Variants in GALNT1 observed in about 807,000 individuals in gnomAD.
GALNT1 encodes polypeptide N-acetylgalactosaminyltransferase 1.
In GALNT1, 17 loss-of-function variants were observed where a neutral mutation model predicts 65.7. The ratio of observed to expected loss-of-function variants is 0.26; its 90% confidence interval spans 0.18 to 0.39. GALNT1 has a LOEUF of 0.39. GALNT1 is among the 10% of genes least tolerant of loss of function. The pLI, the probability that GALNT1 is intolerant of heterozygous loss-of-function variation, is 1.00. For missense variants in GALNT1, 460 were observed against 672.8 expected, an observed-to-expected ratio of 0.68 and a Z score of 3.50; for synonymous variants, 210 against 219.7, an observed-to-expected ratio of 0.96 and a Z score of 0.39.
In GALNT1 at chr18:35,644,450, G is replaced by T. The variant is rs113838605; in HGVS notation, c.-103-10110G>T. ...AATTGAAGCCTACGAGACTGGAGCC[G>T]TACTCACTTTGGCTACTAGGGGTAA... On this transcript the variant is annotated intron_variant, in intron 1 of 11. Transcript: ENST00000269195. Among the ~76,000 whole-genome samples the T allele has an allele frequency of 6.4e-3, 968 of 152,270 alleles. 19 individuals are homozygous for T. Among genetic ancestry groups the T allele is most frequent in the African/African-American group, 0.022 (918 of 41,558 alleles).
intron 1 of GALNT1, among the ~76,000 whole-genome samples, chr18:35,605,274 C>A (rs1211045456): frequency 1.3e-5 from 2 of 151,874 alleles, no homozygotes; most frequent in African/African-American, 4.8e-5. Flanking sequence ...CTTGGGAGGC[C>A]GAGACAGGTG....
chr18:35,612,240 G>GA (rs1256855550), intron 1 of GALNT1, among the ~76,000 whole-genome samples: 1 of 152,040 alleles, frequency 6.6e-6, no homozygotes, highest in African/African-American at 2.4e-5. Flanking sequence ...TATGAAAAGA[G>GA]AAAAAACCTG....
chr18:35,677,498 T>C (rs2047727396), intron 3 of GALNT1, 93 bp from the exon 4 acceptor site: 16 of 973,128 alleles, frequency 1.6e-5, no homozygotes, highest in Non-Finnish European at 2.4e-5. Flanking sequence ...TAGAGCAAAC[T>C]GCTTTTATTG....
Position 35,597,368 on chromosome 18 carries a change from A to G in GALNT1, c.-104+15506A>G, listed in dbSNP as rs1412760292. On this transcript the variant is annotated intron_variant, in intron 1 of 11. Coordinates refer to ENST00000269195, the MANE Select transcript of GALNT1 (RefSeq NM_020474.4). The stretch of plus-strand genomic sequence containing the variant: ...AGGGCAGGTAATTCTCCAACAGGAA[A>G]TTAGGACGTGGGGAGAGATGGATGC... The G allele has an allele frequency of 3.9e-5, 6 of 152,208 alleles. 1 individual carries two copies. The highest frequency in any genetic ancestry group is 2.6e-4 in the Admixed American group (4 of 15,278). The allele number at this position is 152,208 out of a possible 1,614,324, so 9.4% of individuals were successfully genotyped here. A position where few individuals can be genotyped will look rare whatever the true frequency, so the allele number is the denominator to read the frequency against.
chr18:35,646,140 A>C lies in GALNT1; in HGVS notation c.-103-8420A>C, dbSNP rs180990654. Among the ~76,000 whole-genome samples, 1,032 of 152,266 alleles carry C rather than the reference A, an allele frequency of 6.8e-3. 15 individuals carry two copies. Among genetic ancestry groups the C allele is most frequent in the Non-Finnish European group, 9.9e-3 (674 of 68,024 alleles). ...CATGGCAGAAGGTGAAGGGGAAGCAAGCATGTCTTACCATGGAGGAGCAGG... is the reference window on the plus strand; with the variant it reads ...CATGGCAGAAGGTGAAGGGGAAGCACGCATGTCTTACCATGGAGGAGCAGG... On this transcript the variant is annotated intron_variant, in intron 1 of 11. Coordinates refer to ENST00000269195, the MANE Select transcript of GALNT1 (RefSeq NM_020474.4).
At chr18:35,608,053 G>T (rs1431433501) in intron 1 of GALNT1, among the ~76,000 whole-genome samples, 1 of 151,828 alleles carries the variant, frequency 6.6e-6, no homozygotes, top group Admixed American at 6.6e-5. Context: ...AATCTATACA[G>T]CAGTTTTTAT....
chr18:35,694,407 C>CA (rs1300641243), intron 9 of GALNT1, among the ~76,000 whole-genome samples: 14 of 151,862 alleles, frequency 9.2e-5, no homozygotes, highest in African/African-American at 3.1e-4. Context: ...TGGCCACTAT[C>CA]AAAAAAACAG....
chr18:35,620,680 C>T (rs956860239), intron 1 of GALNT1, among the ~76,000 whole-genome samples: 14 of 152,050 alleles, frequency 9.2e-5, no homozygotes, highest in Non-Finnish European at 1.8e-4. Flanking sequence ...TTGTCTCATT[C>T]ATCATTGTTT....
intron 1 of GALNT1, among the ~76,000 whole-genome samples, chr18:35,624,520 T>G (rs1264672830): frequency 6.6e-6 from 1 of 152,234 alleles, no homozygotes; most frequent in African/African-American, 2.4e-5. Context: ...TTTGACAATT[T>G]AGATATATTT....
chr18:35,630,434 A>T lies in GALNT1; in HGVS notation c.-103-24126A>T, dbSNP rs542841053. ...CCACCAAACTACATGGAAACTGAACAATCTGCTTCTGAATGACTACTGGGT... is the reference window on the plus strand; with the variant it reads ...CCACCAAACTACATGGAAACTGAACTATCTGCTTCTGAATGACTACTGGGT... On this transcript the variant is annotated intron_variant, in intron 1 of 11. Transcript: ENST00000269195. Among the ~76,000 whole-genome samples the T allele has an allele frequency of 2.0e-5, 3 of 152,330 alleles. No homozygotes were observed. The South Asian group carries it at 6.2e-4, about 32-fold the overall frequency.
At chr18:35,601,984 G>A (rs1038268620) in intron 1 of GALNT1, among the ~76,000 whole-genome samples, 21 of 152,184 alleles carry the variant, frequency 1.4e-4, no homozygotes, top group African/African-American at 4.8e-4. Flanking sequence ...ACCTTCAAAT[G>A]TTTTGTTTTT....
At chr18:35,592,092 A>G (rs2046451549) in intron 1 of GALNT1, among the ~76,000 whole-genome samples, 1 of 152,182 alleles carries the variant, frequency 6.6e-6, no homozygotes, top group Non-Finnish European at 1.5e-5. Context: ...GAGCATCATC[A>G]GCATTGAAAT....
In GALNT1 at chr18:35,651,826, A is replaced by G. The variant is rs182106137; in HGVS notation, c.-103-2734A>G. Among the ~76,000 whole-genome samples, 124 of 152,356 alleles carry G rather than the reference A, an allele frequency of 8.1e-4. 1 individual carries two copies. The highest frequency in any genetic ancestry group is 6.9e-3 in the Admixed American group (105 of 15,298). ...TGAAGTAATAATTATTTAATTACAT[A>G]TGAAAACTAGAATCTTACCTGCAAT... On this transcript the variant is annotated intron_variant, in intron 1 of 11. Coordinates refer to ENST00000269195, the MANE Select transcript of GALNT1 (RefSeq NM_020474.4).
At chr18:35,687,329 A>G (rs1409854551) in intron 6 of GALNT1, 143 bp downstream of exon 6, 4 of 698,000 alleles carry the variant, frequency 5.7e-6, no homozygotes, top group Non-Finnish European at 8.8e-6. Context: ...CATCTTTCAC[A>G]TATGTGAGTG....
At chr18:35,670,675 G>C (rs1251322183) in intron 3 of GALNT1, among the ~76,000 whole-genome samples, 2 of 152,190 alleles carry the variant, frequency 1.3e-5, no homozygotes, top group Non-Finnish European at 2.9e-5. Context: ...CAAAGACCTG[G>C]AAGAGCTAGA....
At chr18:35,674,691 T>C (rs2047682526) in intron 3 of GALNT1, among the ~76,000 whole-genome samples, 1 of 152,162 alleles carries the variant, frequency 6.6e-6, no homozygotes, top group Admixed American at 6.5e-5. Flanking sequence ...TTTTAGAAAT[T>C]AGCATAAACT....
At chr18:35,693,791 T>C (rs991740738) in intron 9 of GALNT1, among the ~76,000 whole-genome samples, 3 of 152,150 alleles carry the variant, frequency 2.0e-5, no homozygotes, top group Non-Finnish European at 4.4e-5. Flanking sequence ...TTAACTTAGG[T>C]TGTCAGCATA....
At chr18:35,638,890 C>G (rs538500625) in intron 1 of GALNT1, among the ~76,000 whole-genome samples, 1 of 152,186 alleles carries the variant, frequency 6.6e-6, no homozygotes, top group African/African-American at 2.4e-5. Flanking sequence ...AGCAAGAGAA[C>G]TAGAATTAGA....
chr18:35,598,205 T>C (rs1226577312), intron 1 of GALNT1, among the ~76,000 whole-genome samples: 2 of 151,734 alleles, frequency 1.3e-5, no homozygotes, highest in Non-Finnish European at 2.9e-5. Context: ...CTGCTAATTT[T>C]TGTATTTTTA....
Sources: gnomAD v4.1 joint callset for allele counts (sites outside exome capture counted in the v4.1 genomes callset) on GRCh38, gnomAD v4.1.1 for gene constraint, MANE v1.5 for transcripts, NCBI Gene and HGNC (gene_info 2026-07-23, HGNC 2026-07-21) for gene names.